Variants in MDC1 observed in about 807,000 individuals in gnomAD.
The protein encoded by MDC1 is mediator of DNA damage checkpoint 1.
A neutral mutation model predicts 142.5 loss-of-function variants in MDC1; 81 were observed. That is an observed-to-expected ratio of 0.57 (90% CI 0.47 to 0.68). MDC1 has a LOEUF of 0.68. MDC1 is among the 30% of genes least tolerant of loss of function. The probability of loss-of-function intolerance (pLI) is 0.00; values close to 1 mark genes in which losing one functional copy is unlikely to be tolerated. For missense variants in MDC1, 2,119 were observed against 2,547.9 expected (o/e 0.83, Z 3.62); for synonymous variants, 797 against 968.4 (o/e 0.82, Z 3.29).
Position 30,703,612 on chromosome 6 carries a change from T to C in MDC1, c.5562+9A>G. On this transcript the variant is annotated intron_variant, in intron 10 of 14. Transcript: ENST00000376406. The surrounding 1 kb of genome is among the most constrained non-coding windows in gnomAD (Gnocchi z 4.4). ...TTTCCCAGCTTTGTGGTCCCAACCC[T>C]CTCCTCACCTCTTCCTTCCCTGGCT... The C allele has an allele frequency of 6.2e-7, 1 of 1,603,342 alleles. No individual in the cohort carries two copies. The highest frequency in any genetic ancestry group is 2.2e-5 in the East Asian group (1 of 44,808).
chr6:30,705,074 G>T lies in MDC1; in HGVS notation c.4109C>A (p.Ala1370Asp). 6.2e-7 allele frequency: 1 copy of T among 1,613,070 alleles called. No homozygotes were observed. Among genetic ancestry groups the T allele is most frequent in the Non-Finnish European group, 8.5e-7 (1 of 1,179,726 alleles). ...GGAGGTGGAAGGTGGGAGCTCAGGG[G>T]CTATAGGGACAGTTGATTCAGGGTT... ...VKNPESTVPI[A>D]PELPPSTSTE... Residue 1370 changes from alanine (A) to aspartate (D), a missense_variant, in exon 10 of 15, where the codon GCC becomes GAC. Ala to Asp is a moderately radical substitution (Grantham distance 126). Coordinates refer to ENST00000376406, the MANE Select transcript of MDC1 (RefSeq NM_014641.3).
chr6:30,712,696 A>T lies in MDC1; in HGVS notation c.1246T>A (p.Leu416Met). The part of the protein sequence containing the change: ...DEEEVSAALT[L>M]AHLKESQPAI... The stretch of plus-strand genomic sequence containing the variant: ...GGCTGGCTCTCTTTCAGATGTGCCA[A>T]AGTCAGCGCTGCTGAGACTTCTTCC... The change falls in exon 5 of 15, where the codon TTG becomes ATG. Residue 416 changes from leucine to methionine, a missense_variant. Physicochemically the swap from Leu to Met is conservative, Grantham distance 15 (BLOSUM62 2). Transcript: ENST00000376406. This position sits in a 1 kb window ranked among gnomAD's most constrained non-coding sequence, Gnocchi z 4.7. 1 of 1,613,004 alleles carries T rather than the reference A, an allele frequency of 6.2e-7. No individual in the cohort carries two copies. The highest frequency in any genetic ancestry group is 8.5e-7 in the Non-Finnish European group (1 of 1,180,010).
In MDC1 at chr6:30,707,760, A is replaced by C. The variant is rs780722068; in HGVS notation, c.2819T>G (p.Val940Gly). 1 of 1,612,948 alleles carries C rather than the reference A, an allele frequency of 6.2e-7. No individual in the cohort carries two copies. The highest frequency in any genetic ancestry group is 8.5e-7 in the Non-Finnish European group (1 of 1,179,996). Residue 940 changes from valine (V) to glycine (G), a missense_variant, in exon 8 of 15, where the codon GTG becomes GGG. Transcript: ENST00000376406. Reference sequence around the variant, plus strand: ...TCTCTGTGTATCTCTCTCCAGGATCACTTTGGGCACCTTCTCTTCTAACTC... The same window carrying C: ...TCTCTGTGTATCTCTCTCCAGGATCCCTTTGGGCACCTTCTCTTCTAACTC... ...PAELEEKVPKVILERDTQRGE... is the reference protein window; with the variant it reads ...PAELEEKVPKGILERDTQRGE...
intron 14 of MDC1, 102 bp downstream of exon 14, chr6:30,702,451 C>G (rs1309821046): frequency 2.2e-6 from 2 of 890,486 alleles, no homozygotes; most frequent in African/African-American, 3.4e-5. Flanking sequence ...ACTTTATATT[C>G]CTTTCTGAAC....
At chr6:30,702,515 C>T (rs9405048) in intron 14 of MDC1, 38 bp downstream of exon 14, 212,354 of 1,466,218 alleles carry the variant, frequency 0.14, 17,291 homozygotes, top group East Asian at 0.28. Context: ...TTAACTGCCA[C>T]TGCCACCTCA....
At chr6:30,706,871 A>G (rs1269020678) in intron 9 of MDC1, among the ~76,000 whole-genome samples, 2 of 152,016 alleles carry the variant, frequency 1.3e-5, no homozygotes, top group Admixed American at 6.6e-5. Context: ...AGGCTGCGGC[A>G]GGAAAATTGT....
At chr6:30,708,980 AAAAGAAAG>A (rs140751169) in intron 7 of MDC1, among the ~76,000 whole-genome samples, 13 of 151,798 alleles carry the variant, frequency 8.6e-5, no homozygotes, top group Non-Finnish European at 1.3e-4. Flanking sequence ...CTGTCTCAAA[AAAAGAAAG>A]AAAGAAAGAA....
Position 30,713,315 on chromosome 6 carries a change from C to T in MDC1, c.627G>A (p.Gly209=). 1 of 1,591,888 alleles carries T rather than the reference C, an allele frequency of 6.3e-7. No homozygotes were observed. Among genetic ancestry groups the T allele is most frequent in the Non-Finnish European group, 8.5e-7 (1 of 1,172,678 alleles). The stretch of plus-strand genomic sequence containing the variant: ...TGTTCAAATTGAAGGCAAAAGGCGG[C>T]CCAAGGCCGCCCAGGACCGGGGAAT... ...EGHSPVLGGL[G]PPFAFNLNSD... Residue 209 remains glycine (G), a synonymous_variant, in exon 5 of 15, where the codon GGG becomes GGA. Transcript: ENST00000376406. This position sits in a 1 kb window ranked among gnomAD's most constrained non-coding sequence, Gnocchi z 4.9.
At chr6:30,702,280 A>G (rs3130642) in intron 14 of MDC1, among the ~76,000 whole-genome samples, 15,802 of 125,364 alleles carry the variant, frequency 0.13, 632 homozygotes, top group Non-Finnish European at 0.19. Flanking sequence ...AAAAAAAAAA[A>G]AGAAAATCAA....
rs1195813412 is a variant in MDC1 at position 30,703,335 on chromosome 6, A to C, written c.5683-49T>G. 1.2e-6 allele frequency: 2 copies of C among 1,610,522 alleles called. No homozygotes were observed. The highest frequency in any genetic ancestry group is 8.5e-7 in the Non-Finnish European group (1 of 1,178,120). On this transcript the variant is annotated intron_variant, in intron 11 of 14. Coordinates refer to ENST00000376406, the MANE Select transcript of MDC1 (RefSeq NM_014641.3). The surrounding 1 kb of genome is among the most constrained non-coding windows in gnomAD (Gnocchi z 4.4). Reference sequence around the variant, plus strand: ...GGTTACGGCAACCCATGCCATCAGCACCCATCTCTACAATCCTCTAGGTCT... The same window carrying C: ...GGTTACGGCAACCCATGCCATCAGCCCCCATCTCTACAATCCTCTAGGTCT...
In MDC1 at chr6:30,705,432, G is replaced by C; in HGVS notation, c.3751C>G (p.Gln1251Glu). 1.9e-6 allele frequency: 3 copies of C among 1,610,856 alleles called. No individual in the cohort carries two copies. Among genetic ancestry groups the C allele is most frequent in the Non-Finnish European group, 2.5e-6 (3 of 1,179,008 alleles). Reference protein sequence around the residue: ...EPVVPTAPELQPSTSTDQPVT... With the variant: ...EPVVPTAPELEPSTSTDQPVT... The stretch of plus-strand genomic sequence containing the variant: ...GGCTGGTCTGTGGAGGTGGAAGGCT[G>C]GAGCTCAGGGGCTGTGGGGACAACT... The change falls in exon 10 of 15, where the codon CAG (glutamine) becomes GAG (glutamate). Residue 1251 changes from glutamine (Q) to glutamate (E), a missense_variant. Physicochemically the swap from Gln to Glu is conservative, Grantham distance 29. Transcript: ENST00000376406.
rs144987547 is a variant in MDC1, at chr6:30,712,881, T to G, written c.1061A>C (p.His354Pro). The G allele has an allele frequency of 7.4e-6, 12 of 1,612,964 alleles. No homozygotes were observed. In the Admixed American group the frequency reaches 1.7e-4, roughly 22 times the overall value. Residue 354 changes from histidine to proline, a missense_variant, in exon 5 of 15, where the codon CAT becomes CCT. Physicochemically the swap from His to Pro is moderately conservative, Grantham distance 77. Coordinates refer to ENST00000376406, the MANE Select transcript of MDC1 (RefSeq NM_014641.3). This position sits in a 1 kb window ranked among gnomAD's most constrained non-coding sequence, Gnocchi z 4.7. ...VIPMKKRKIF[H>P]GVGTRGPGAP... is the part of the protein sequence containing the mutation. The stretch of plus-strand genomic sequence containing the variant: ...TCCAGGACCCCTTGTACCTACTCCA[T>G]GGAAGATCTTCCTCTTCTTCATAGG...
rs758775622 is a variant in MDC1 at position 30,707,902 on chromosome 6, C to A, written c.2677G>T (p.Glu893Ter). Reference protein sequence around the residue: ...PERDRESLKVEIETSEEIQEK... With the variant: ...PERDRESLKV ...TGTATTTCCTCAGATGTCTCAATTT[C>A]TACCTTCAAACTCTCCCTATCTCTT... Residue 893 changes from glutamate to a stop codon, truncating the protein, a stop_gained, in exon 8 of 15, where the codon GAA becomes TAA. Transcript: ENST00000376406. LOFTEE classifies it high-confidence loss of function. 1 of 1,613,000 alleles carries A rather than the reference C, an allele frequency of 6.2e-7. No individual in the cohort carries two copies. The highest frequency in any genetic ancestry group is 1.1e-5 in the South Asian group (1 of 91,094).
At chr6:30,708,855 C>CAAA (rs59939040) in intron 7 of MDC1, among the ~76,000 whole-genome samples, 12 of 55,164 alleles carry the variant, frequency 2.2e-4, no homozygotes, top group African/African-American at 3.5e-4. Context: ...GACTCTGTCT[C>CAAA]AAAAAAAAAA....
At chr6:30,708,463 AT>A in intron 7 of MDC1, 106 bp from the exon 8 acceptor site, 2 of 831,896 alleles carry the variant, frequency 2.4e-6, no homozygotes, top group Non-Finnish European at 3.7e-6. Flanking sequence ...ATGAGAAAGG[AT>A]TTAGATAAAC....
Position 30,713,108 on chromosome 6 carries a change from T to C in MDC1, c.834A>G (p.Ala278=), listed in dbSNP as rs750258735. ...RDNDTKVKRG[A]GNGVVPAGVI... Reference sequence around the variant, plus strand: ...CCCCAGCTGGAACCACCCCATTCCCTGCACCCCTCTTGACTTTTGTATCAT... The same window carrying C: ...CCCCAGCTGGAACCACCCCATTCCCCGCACCCCTCTTGACTTTTGTATCAT... Residue 278 remains alanine (A), a synonymous_variant, in exon 5 of 15, where the codon GCA becomes GCG. Transcript: ENST00000376406. This position sits in a 1 kb window ranked among gnomAD's most constrained non-coding sequence, Gnocchi z 4.9. 7 of 1,613,098 alleles carry C rather than the reference T, an allele frequency of 4.3e-6. No homozygotes were observed. In the South Asian group the frequency reaches 7.7e-5, roughly 18 times the overall value.
chr6:30,712,616 C>T lies in MDC1; in HGVS notation c.1326G>A (p.Leu442=). Residue 442 remains leucine, a synonymous_variant, in exon 5 of 15, where the codon CTG becomes CTA. Transcript: ENST00000376406. The surrounding 1 kb of genome is among the most constrained non-coding windows in gnomAD (Gnocchi z 4.7). ...EEDMPQRVVL[L]QRSQTTTERD... ...TCTCAGTGGTGGTTTGGCTTCGCTG[C>T]AGAAGGACCACACGTTGGGGCATGT... 6.2e-7 allele frequency: 1 copy of T among 1,612,896 alleles called. No homozygotes were observed. The highest frequency in any genetic ancestry group is 8.5e-7 in the Non-Finnish European group (1 of 1,179,922).
At chr6:30,714,402 G>A (rs1775367663) in intron 2 of MDC1, among the ~76,000 whole-genome samples, 1 of 152,096 alleles carries the variant, frequency 6.6e-6, no homozygotes. Context: ...AACACAAAAT[G>A]TATCACCTTA....
intron 7 of MDC1, 33 bp downstream of exon 7, chr6:30,711,379 T>C (rs767865103): frequency 6.4e-7 from 1 of 1,565,410 alleles, no homozygotes; most frequent in Non-Finnish European, 8.8e-7. Flanking sequence ...AATGCAGAAT[T>C]GGGGACACAG....
Sources: allele counts gnomAD v4.1 joint callset (sites outside exome capture counted in the v4.1 genomes callset), GRCh38; gene constraint gnomAD v4.1.1; non-coding constraint Gnocchi (gnomAD v3.1); transcripts MANE v1.5; gene names NCBI Gene and HGNC (gene_info 2026-07-23, HGNC 2026-07-21).